Variants in GRM5 observed in about 807,000 individuals in gnomAD.
The protein encoded by GRM5 is metabotropic glutamate receptor 5.
In GRM5, 19 loss-of-function variants were observed where a neutral mutation model predicts 83.1. The ratio of observed to expected loss-of-function variants is 0.23; its 90% CI spans 0.16 to 0.34. The LOEUF (loss-of-function observed/expected upper bound fraction) is 0.34, where lower values mean the gene tolerates loss of function less well. Among genes scored for constraint, GRM5 ranks in the 10% least tolerant of loss-of-function variants. The pLI is 1.00. For missense variants in GRM5, 1,160 were observed against 1,588.3 expected (o/e 0.73, Z 4.58); for synonymous variants, 675 against 633.6 (o/e 1.07, Z -0.98).
intron 7 of GRM5, among the ~76,000 whole-genome samples, chr11:88,586,907 G>A (rs987620225): frequency 6.6e-6 from 1 of 152,044 alleles, no homozygotes; most frequent in African/African-American, 2.4e-5. Flanking sequence ...TGTCTATATA[G>A]GATAAATTCC....
At chr11:88,721,250 T>A (rs78037655) in intron 3 of GRM5, among the ~76,000 whole-genome samples, 5,495 of 152,152 alleles carry the variant, frequency 0.036, 255 homozygotes, top group Admixed American at 0.14. Context: ...AGCAACTAAT[T>A]TTTCTCCTTT....
At chr11:88,959,769 AG>A (rs1199234880) in intron 2 of GRM5, among the ~76,000 whole-genome samples, 3 of 152,190 alleles carry the variant, frequency 2.0e-5, no homozygotes, top group Non-Finnish European at 4.4e-5. Flanking sequence ...CTGCCTAGCC[AG>A]GAAGAGGGAA....
chr11:88,711,690 T>C (rs1462534836), intron 3 of GRM5, among the ~76,000 whole-genome samples: 1 of 152,056 alleles, frequency 6.6e-6, no homozygotes, highest in Non-Finnish European at 1.5e-5. Context: ...ATAAATGCAA[T>C]AATACATTGA....
At chr11:88,512,946 G>C (rs950726999) in intron 9 of GRM5, among the ~76,000 whole-genome samples, 14 of 152,150 alleles carry the variant, frequency 9.2e-5, no homozygotes, top group Admixed American at 7.9e-4. Flanking sequence ...ACCTGACCTG[G>C]AGTTCCATGA....
chr11:88,968,479 T>G (rs1364257514), intron 2 of GRM5, among the ~76,000 whole-genome samples: 1 of 152,064 alleles, frequency 6.6e-6, no homozygotes, highest in African/African-American at 2.4e-5. Flanking sequence ...AGCTGGAAGC[T>G]TGAGACCAGC....
At chr11:88,659,919 T>C (rs1939861295) in intron 3 of GRM5, among the ~76,000 whole-genome samples, 1 of 152,216 alleles carries the variant, frequency 6.6e-6, no homozygotes, top group Admixed American at 6.5e-5. Flanking sequence ...CCATATATGT[T>C]ATAAGTTATT....
rs145816420 is a variant in GRM5, at chr11:88,813,592, A to G, written c.911+36314T>C. Among the ~76,000 whole-genome samples the G allele has an allele frequency of 4.5e-4, 69 of 152,306 alleles. 1 individual carries two copies. The East Asian group carries it at 0.012, about 27-fold the overall frequency. ...TTCTTCCAGTGCAAGTTTTCTAAAC[A>G]TATCTCAAAAAGCCCCAGTTTTATA... On this transcript the variant is annotated intron_variant, in intron 3 of 9. Transcript: ENST00000305447.
chr11:88,617,850 T>C (rs1938526334), intron 4 of GRM5, among the ~76,000 whole-genome samples: 1 of 152,180 alleles, frequency 6.6e-6, no homozygotes, highest in Admixed American at 6.5e-5. Context: ...CTCAGATTTC[T>C]AGCCAGAAGA....
chr11:88,872,696 A>AG (rs1399197623), intron 2 of GRM5, among the ~76,000 whole-genome samples: 2 of 151,304 alleles, frequency 1.3e-5, no homozygotes, highest in East Asian at 3.9e-4. Context: ...GAATTTAGAG[A>AG]GGGAAAACAC....
intron 9 of GRM5, among the ~76,000 whole-genome samples, chr11:88,514,915 G>A (rs901512525): frequency 2.0e-5 from 3 of 152,120 alleles, no homozygotes; most frequent in African/African-American, 4.8e-5. Flanking sequence ...CCTAAGTGAC[G>A]TGGATTTTCA....
chr11:88,629,906 C>T (rs1375008937), intron 4 of GRM5, among the ~76,000 whole-genome samples: 2 of 152,228 alleles, frequency 1.3e-5, no homozygotes, highest in Non-Finnish European at 2.9e-5. Flanking sequence ...GCCCACACAG[C>T]TTTCCAAGAT....
At chr11:88,936,426 A>C (rs1937896775) in intron 2 of GRM5, among the ~76,000 whole-genome samples, 1 of 151,904 alleles carries the variant, frequency 6.6e-6, no homozygotes, top group African/African-American at 2.4e-5. Flanking sequence ...AATACCAGTA[A>C]GATTTATCTG....
At chr11:88,928,361 C>T (rs542187013) in intron 2 of GRM5, among the ~76,000 whole-genome samples, 27 of 151,816 alleles carry the variant, frequency 1.8e-4, no homozygotes, top group African/African-American at 4.3e-4. Flanking sequence ...TTGTGGGTTG[C>T]GATAACTGCA....
At chr11:88,546,265 T>C (rs1160309986) in intron 8 of GRM5, among the ~76,000 whole-genome samples, 2 of 152,128 alleles carry the variant, frequency 1.3e-5, no homozygotes, top group African/African-American at 2.4e-5. Flanking sequence ...ATTAATACTA[T>C]GTATTTGTTT....
intron 3 of GRM5, among the ~76,000 whole-genome samples, chr11:88,748,174 G>T (rs11021157): frequency 6.6e-6 from 1 of 151,964 alleles, no homozygotes; most frequent in African/African-American, 2.4e-5. Context: ...GATCCCCACC[G>T]GGGCTTTGGG....
At chr11:88,845,423 CTTTTTT>C (rs71046265) in intron 3 of GRM5, among the ~76,000 whole-genome samples, 13 of 92,448 alleles carry the variant, frequency 1.4e-4, no homozygotes, top group South Asian at 4.6e-4. Flanking sequence ...ATAAACATAA[CTTTTTT>C]TTTTTTTTTT....
intron 2 of GRM5, among the ~76,000 whole-genome samples, chr11:88,933,500 T>A (rs1167665908): frequency 6.6e-6 from 1 of 151,846 alleles, no homozygotes; most frequent in Admixed American, 6.6e-5. Flanking sequence ...TCTATGAATG[T>A]GCTACTCTTT....
chr11:88,634,607 G>A (rs1308200756), intron 4 of GRM5, among the ~76,000 whole-genome samples: 1 of 152,010 alleles, frequency 6.6e-6, no homozygotes, highest in African/African-American at 2.4e-5. Context: ...AATAACACAC[G>A]GAGCTGTTAT....
At chr11:88,539,397 T>C (rs1591333171) in intron 8 of GRM5, among the ~76,000 whole-genome samples, 2 of 152,352 alleles carry the variant, frequency 1.3e-5, no homozygotes, top group South Asian at 2.1e-4. Flanking sequence ...ATAGGGTTAG[T>C]TATGCTTTCT....
Sources: allele counts gnomAD v4.1 joint callset (sites outside exome capture counted in the v4.1 genomes callset), GRCh38; gene constraint gnomAD v4.1.1; transcripts MANE v1.5; gene names NCBI Gene and HGNC (gene_info 2026-07-23, HGNC 2026-07-21).